AGAP1: variants seen among roughly 807,000 people sequenced by gnomAD.
AGAP1 encodes the protein arf-GAP with GTPase, ANK repeat and PH domain-containing protein 1.
A neutral mutation model predicts 105.3 loss-of-function variants in AGAP1; 29 were observed. The ratio of observed to expected loss-of-function variants is 0.28; its 90% CI spans 0.21 to 0.38. The LOEUF (loss-of-function observed/expected upper bound fraction) is 0.38. Ranked by LOEUF, AGAP1 falls within the 10% of genes least tolerant of loss-of-function variation. The probability of loss-of-function intolerance (pLI) is 1.00; values close to 1 mark genes in which losing one functional copy is unlikely to be tolerated. For missense variants in AGAP1, 998 were observed against 1,165.1 expected (o/e 0.86, Z 2.09); for synonymous variants, 509 against 485.9 (o/e 1.05, Z -0.63).
chr2:235,717,271 G>A (rs1951163822), intron 2 of AGAP1, among the ~76,000 whole-genome samples: 3 of 152,206 alleles, frequency 2.0e-5, no homozygotes, highest in South Asian at 2.1e-4. Context: ...CAGCCCTGAT[G>A]TAAACAATGT....
intron 11 of AGAP1, among the ~76,000 whole-genome samples, chr2:235,920,948 CATT>C (rs989923218): frequency 2.6e-5 from 4 of 152,124 alleles, no homozygotes; most frequent in Non-Finnish European, 4.4e-5. Flanking sequence ...ACCATTTCTT[CATT>C]ATTATTATTA....
At chr2:236,033,279 AT>A (rs1412278484) in intron 13 of AGAP1, among the ~76,000 whole-genome samples, 6 of 152,282 alleles carry the variant, frequency 3.9e-5, no homozygotes, top group African/African-American at 1.4e-4. Context: ...TGATGAAGCC[AT>A]AGAACAGCCA....
chr2:235,588,323 G>T (rs781743296), intron 1 of AGAP1, among the ~76,000 whole-genome samples: 1 of 151,990 alleles, frequency 6.6e-6, no homozygotes, highest in African/African-American at 2.4e-5. Flanking sequence ...AGGATCCATT[G>T]GGGATAAAAT....
intron 1 of AGAP1, among the ~76,000 whole-genome samples, chr2:235,682,576 C>T (rs570456130): frequency 1.3e-5 from 2 of 151,646 alleles, no homozygotes; most frequent in African/African-American, 2.4e-5. Flanking sequence ...AACTGCTGAC[C>T]TCAAATGATC....
At chr2:235,506,486 T>C (rs903464960) in intron 1 of AGAP1, among the ~76,000 whole-genome samples, 1 of 151,460 alleles carries the variant, frequency 6.6e-6, no homozygotes, top group Admixed American at 6.6e-5. Context: ...ATCACTGCGC[T>C]CCACCCTGGG....
At chr2:235,695,108 A>G (rs1949935799) in intron 1 of AGAP1, among the ~76,000 whole-genome samples, 1 of 152,238 alleles carries the variant, frequency 6.6e-6, no homozygotes, top group Admixed American at 6.5e-5. Flanking sequence ...AAGCTGGGAA[A>G]TAACAAGGAC....
chr2:235,919,278 G>A lies in AGAP1; in HGVS notation c.1324+10372G>A, dbSNP rs1397459209. ...TGAGTCCGTGGCTTCCCTGCTTCCT[G>A]CAGTCCTTTCCCACACTGGCAGAGG... On this transcript the variant is annotated intron_variant, in intron 11 of 17. Transcript: ENST00000304032. The surrounding 1 kb of genome is among the most constrained non-coding windows in gnomAD (Gnocchi z 4.1). Among the ~76,000 whole-genome samples the A allele has an allele frequency of 6.6e-6, 1 of 152,172 alleles. No individual in the cohort carries two copies. Among genetic ancestry groups the A allele is most frequent in the Non-Finnish European group, 1.5e-5 (1 of 68,026 alleles).
At position 235,712,865 on chromosome 2, in the gene AGAP1, G is replaced by A. The variant is rs935100309; in HGVS notation, c.222+3628G>A. 4.6e-5 allele frequency among the ~76,000 whole-genome samples: 7 copies of A among 152,184 alleles called. No individual in the cohort carries two copies. Among genetic ancestry groups the A allele is most frequent in the African/African-American group, 1.4e-4 (6 of 41,438 alleles). The stretch of plus-strand genomic sequence containing the variant: ...CCAGCAGTCGCTCCGACAGCTTCAC[G>A]GGTGGCGTGACACACTTGAAACGGC... On this transcript the variant is annotated intron_variant, in intron 2 of 17. Coordinates refer to ENST00000304032, the MANE Select transcript of AGAP1 (RefSeq NM_001037131.3). This position sits in a 1 kb window ranked among gnomAD's most constrained non-coding sequence, Gnocchi z 6.0.
Position 236,124,273 on chromosome 2 carries a change from A to C in AGAP1, c.*151A>C. On this transcript the variant is annotated 3_prime_UTR_variant, in exon 18 of 18. Transcript: ENST00000304032. This position sits in a 1 kb window ranked among gnomAD's most constrained non-coding sequence, Gnocchi z 5.1. ...CGCCCACCCACTCTCACCCCAAACAAAATCACAAAACCTGGACATCCCTCA... is the reference window on the plus strand; with the variant it reads ...CGCCCACCCACTCTCACCCCAAACACAATCACAAAACCTGGACATCCCTCA... 1.1e-6 allele frequency: 1 copy of C among 882,198 alleles called. No individual in the cohort carries two copies. The highest frequency in any genetic ancestry group is 1.7e-6 in the Non-Finnish European group (1 of 584,266). 54.6% of individuals were successfully genotyped at this position (882,198 alleles called of 1,614,324 possible).
chr2:235,500,897 G>A (rs936199962), intron 1 of AGAP1, among the ~76,000 whole-genome samples: 2 of 152,140 alleles, frequency 1.3e-5, no homozygotes, highest in African/African-American at 2.4e-5. Context: ...CAGGAGAAGC[G>A]CTGCTGCTTG....
In AGAP1 at chr2:235,879,918, A is replaced by G. The variant is rs1343515710; in HGVS notation, c.1051-3427A>G. Among the ~76,000 whole-genome samples the G allele has an allele frequency of 6.6e-6, 1 of 152,096 alleles. No individual in the cohort carries two copies. The highest frequency in any genetic ancestry group is 1.5e-5 in the Non-Finnish European group (1 of 68,018). The stretch of plus-strand genomic sequence containing the variant: ...CAGTACACTGCACTCCAACCTGGGC[A>G]ACAGAGCGAGACCTTATCTCTACAA... On this transcript the variant is annotated intron_variant, in intron 9 of 17. Transcript: ENST00000304032. The surrounding 1 kb of genome is among the most constrained non-coding windows in gnomAD (Gnocchi z 5.0).
chr2:235,767,394 G>T (rs931860616), intron 6 of AGAP1, among the ~76,000 whole-genome samples: 1 of 152,188 alleles, frequency 6.6e-6, no homozygotes, highest in Non-Finnish European at 1.5e-5. Context: ...GCGAGCACCC[G>T]GGCCAAGCGT....
Position 235,594,688 on chromosome 2 carries a change from TG to T in AGAP1, c.163+99841del, listed in dbSNP as rs527844936. On this transcript the variant is annotated intron_variant, in intron 1 of 17. Coordinates refer to ENST00000304032, the MANE Select transcript of AGAP1 (RefSeq NM_001037131.3). ...CTTCCGGGTTCAAGCAATTCTGCCT[TG>T]GCGTCCCAAGTAGCAGGGATTACAG... Among the ~76,000 whole-genome samples, 695 of 152,082 alleles carry T rather than the reference TG, an allele frequency of 4.6e-3. 2 individuals are homozygous for T. Among genetic ancestry groups the T allele is most frequent in the Non-Finnish European group, 8.7e-3 (590 of 67,978 alleles).
rs912772789 is a variant in AGAP1, at chr2:235,621,874, G to T, written c.164-87305G>T. ...GCAGTTGGGTAGGAGTGGAGGAGGG[G>T]TGCGATCGGAAGGGAGTGCCGCGCA... On this transcript the variant is annotated intron_variant, in intron 1 of 17. Transcript: ENST00000304032. This position sits in a 1 kb window ranked among gnomAD's most constrained non-coding sequence, Gnocchi z 4.1. Among the ~76,000 whole-genome samples, 2 of 151,126 alleles carry T rather than the reference G, an allele frequency of 1.3e-5. No homozygotes were observed. The highest frequency in any genetic ancestry group is 4.8e-5 in the African/African-American group (2 of 41,308).
rs913660746 is a variant in AGAP1, at chr2:235,893,637, A to G, written c.1155+10188A>G. 6.6e-6 allele frequency among the ~76,000 whole-genome samples: 1 copy of G among 152,030 alleles called. No homozygotes were observed. Among genetic ancestry groups the G allele is most frequent in the African/African-American group, 2.4e-5 (1 of 41,394 alleles). ...CTGATTCCCAGGCCCCATCTAGTGTACATCATTGCCTCGGGTGAGAATGTC... is the reference window on the plus strand; with the variant it reads ...CTGATTCCCAGGCCCCATCTAGTGTGCATCATTGCCTCGGGTGAGAATGTC... On this transcript the variant is annotated intron_variant, in intron 10 of 17. Coordinates refer to ENST00000304032, the MANE Select transcript of AGAP1 (RefSeq NM_001037131.3). This position sits in a 1 kb window ranked among gnomAD's most constrained non-coding sequence, Gnocchi z 4.7.
At position 235,610,655 on chromosome 2, in the gene AGAP1, A is replaced by G. The variant is rs1418052480; in HGVS notation, c.164-98524A>G. ...TAAATACAAATTTCAGGAGAGCTCAATACAGCCCATAGCACAGCGCTTCCG... is the reference window on the plus strand; with the variant it reads ...TAAATACAAATTTCAGGAGAGCTCAGTACAGCCCATAGCACAGCGCTTCCG... On this transcript the variant is annotated intron_variant, in intron 1 of 17. Coordinates refer to ENST00000304032, the MANE Select transcript of AGAP1 (RefSeq NM_001037131.3). This position sits in a 1 kb window ranked among gnomAD's most constrained non-coding sequence, Gnocchi z 4.9. Among the ~76,000 whole-genome samples the G allele has an allele frequency of 2.6e-5, 4 of 152,170 alleles. No individual in the cohort carries two copies. Among genetic ancestry groups the G allele is most frequent in the East Asian group, 1.9e-4 (1 of 5,166 alleles).
chr2:236,012,520 T>G lies in AGAP1; in HGVS notation c.1646-24041T>G, dbSNP rs978364741. ...CATCAAGCATTTCTAAAGCAAACAT[T>G]TGAGACCCGGGACAGATTTGGTTTC... On this transcript the variant is annotated intron_variant, in intron 13 of 17. Transcript: ENST00000304032. This position sits in a 1 kb window ranked among gnomAD's most constrained non-coding sequence, Gnocchi z 4.9. 5.9e-5 allele frequency among the ~76,000 whole-genome samples: 9 copies of G among 152,206 alleles called. No individual in the cohort carries two copies. The highest frequency in any genetic ancestry group is 2.6e-4 in the Admixed American group (4 of 15,288).
At chr2:235,531,693 C>T (rs991892209) in intron 1 of AGAP1, among the ~76,000 whole-genome samples, 4 of 151,580 alleles carry the variant, frequency 2.6e-5, no homozygotes, top group South Asian at 2.1e-4. Context: ...ATGCAACCTC[C>T]GCCTCCCGGG....
rs1437747548 is a variant in AGAP1 at position 235,664,898 on chromosome 2, A to G, written c.164-44281A>G. On this transcript the variant is annotated intron_variant, in intron 1 of 17. Coordinates refer to ENST00000304032, the MANE Select transcript of AGAP1 (RefSeq NM_001037131.3). This position sits in a 1 kb window ranked among gnomAD's most constrained non-coding sequence, Gnocchi z 5.7. The stretch of plus-strand genomic sequence containing the variant: ...AACAAGGGAGACCCACCTGTGCAAT[A>G]TAGTGAGACCCCCATCTTTACCATA... 6.6e-6 allele frequency among the ~76,000 whole-genome samples: 1 copy of G among 152,150 alleles called. No homozygotes were observed. Among genetic ancestry groups the G allele is most frequent in the African/African-American group, 2.4e-5 (1 of 41,444 alleles).
Sources: allele counts gnomAD v4.1 joint callset (sites outside exome capture counted in the v4.1 genomes callset), GRCh38; gene constraint gnomAD v4.1.1; non-coding constraint Gnocchi (gnomAD v3.1); transcripts MANE v1.5; gene names NCBI Gene and HGNC (gene_info 2026-07-23, HGNC 2026-07-21).